Variants in DMD observed in about 807,000 individuals in gnomAD.
DMD encodes the protein mutant dystrophin.
A neutral mutation model predicts 330.1 loss-of-function variants in DMD; 63 were observed. That is an observed-to-expected ratio of 0.19 (90% confidence interval 0.16 to 0.24). DMD has a LOEUF of 0.24. Among genes scored for constraint, DMD ranks in the 10% least tolerant of loss-of-function variants. DMD has a pLI of 1.00. For synonymous variants in DMD, 1,223 were observed against 959.8 expected (o/e 1.27, Z -5.07); for missense variants, 3,344 against 2,684.1 (o/e 1.25, Z -5.43).
At position 32,068,868 on chromosome X, in the gene DMD, T is replaced by A. The variant is rs760671195; in HGVS notation, c.6439-100354A>T. On this transcript the variant is annotated intron_variant, in intron 44 of 78. Transcript: ENST00000357033. ...TAATATGGAAGTGAGGTAGGTGAGA[T>A]TGGATGGTTTGGGAGTAGAGATACA... 2.7e-5 allele frequency among the ~76,000 whole-genome samples: 3 copies of A among 111,102 alleles called. No homozygotes were observed. In the South Asian group the frequency reaches 1.1e-3, roughly 42 times the overall value.
At chrX:31,721,706 C>A (rs1367521631) in intron 52 of DMD, among the ~76,000 whole-genome samples, 4,052 of 49,223 alleles carry the variant, frequency 0.082, 112 homozygotes, top group South Asian at 0.1. Context: ...CTCTCTCTCT[C>A]TCTCTCTCTC....
At chrX:32,141,660 CAATAT>C (rs1177148220) in intron 44 of DMD, among the ~76,000 whole-genome samples, 1 of 90,904 alleles carries the variant, frequency 1.1e-5, no homozygotes, top group African/African-American at 4.0e-5. Flanking sequence ...ATCCAGAATT[CAATAT>C]AATATAGAGT....
intron 21 of DMD, among the ~76,000 whole-genome samples, chrX:32,483,784 G>A (rs1313077751): frequency 5.8e-5 from 1 of 17,370 alleles, no homozygotes; most frequent in African/African-American, 2.0e-4. Flanking sequence ...ACCTGTACAG[G>A]AAAATAAACC....
At chrX:31,666,204 C>A (rs1307534434) in intron 53 of DMD, among the ~76,000 whole-genome samples, 2 of 111,602 alleles carry the variant, frequency 1.8e-5, no homozygotes, top group Non-Finnish European at 3.8e-5. Context: ...TTATTGTTCT[C>A]AAATATCCAG....
intron 2 of DMD, among the ~76,000 whole-genome samples, chrX:32,938,457 GA>G (rs762521670): frequency 9.0e-6 from 1 of 111,144 alleles, no homozygotes; most frequent in Non-Finnish European, 1.9e-5. Flanking sequence ...CCTGATAAAT[GA>G]AAGTGTTTAT....
intron 47 of DMD, among the ~76,000 whole-genome samples, chrX:31,884,144 G>A (rs2094117788): frequency 1.8e-5 from 2 of 111,374 alleles, no homozygotes; most frequent in African/African-American, 6.5e-5. Context: ...TTATCTCTGG[G>A]CATATATCCA....
In DMD at chrX:31,420,195, C is replaced by T. The variant is rs150687014; in HGVS notation, c.9084+24286G>A. Among the ~76,000 whole-genome samples the T allele has an allele frequency of 4.8e-3, 543 of 112,485 alleles. 4 individuals are homozygous for T. Among genetic ancestry groups the T allele is most frequent in the African/African-American group, 0.017 (516 of 31,045 alleles). On this transcript the variant is annotated intron_variant, in intron 60 of 78. Transcript: ENST00000357033. The stretch of plus-strand genomic sequence containing the variant: ...TCTGTGAACAAAGTAGAAAATAATA[C>T]ATTTATTTTGGAAAATAAGCTCAAT...
At chrX:31,706,161 A>G (rs115239844) in intron 52 of DMD, among the ~76,000 whole-genome samples, 12 of 109,693 alleles carry the variant, frequency 1.1e-4, no homozygotes, top group African/African-American at 4.0e-4. Context: ...AAAAAAAAAA[A>G]AAGCAAAACC....
At chrX:32,487,601 T>G (rs2042607480) in intron 20 of DMD, among the ~76,000 whole-genome samples, 1 of 111,216 alleles carries the variant, frequency 9.0e-6, no homozygotes, top group Admixed American at 9.7e-5. Flanking sequence ...GCTGAGAAAT[T>G]TATCACATAA....
chrX:32,874,339 T>C (rs2083223788), intron 2 of DMD, among the ~76,000 whole-genome samples: 1 of 111,554 alleles, frequency 9.0e-6, no homozygotes, highest in Admixed American at 9.5e-5. Flanking sequence ...GCTTAGAAAA[T>C]GTAGAAGAAT....
chrX:33,169,931 A>G (rs1179367830), intron 1 of DMD, among the ~76,000 whole-genome samples: 3 of 111,054 alleles, frequency 2.7e-5, no homozygotes, highest in African/African-American at 9.8e-5. Flanking sequence ...ATCTCTGAAT[A>G]GACTTCCATG....
chrX:32,356,379 T>TTAAA (rs1491329591), intron 37 of DMD, among the ~76,000 whole-genome samples: 1 of 52,728 alleles, frequency 1.9e-5, no homozygotes, highest in African/African-American at 6.5e-5. Flanking sequence ...TGAATGGAAG[T>TTAAA]AAAAAAAAAA....
chrX:32,546,255 T>A (rs748472583), intron 16 of DMD, among the ~76,000 whole-genome samples: 3 of 106,957 alleles, frequency 2.8e-5, no homozygotes, highest in African/African-American at 1.0e-4. Context: ...TAACGTTACC[T>A]CTTGGGATGG....
rs773369150 is a variant in DMD at position 32,412,085 on chromosome X, G to A, written c.4072-172C>T. ...AGCTCTGTTGATAGAAAAAAAATGTGAAGGAGAAAAATAAATAGCAAACAA... is the reference window on the plus strand; with the variant it reads ...AGCTCTGTTGATAGAAAAAAAATGTAAAGGAGAAAAATAAATAGCAAACAA... On this transcript the variant is annotated intron_variant, in intron 29 of 78. Coordinates refer to ENST00000357033, the MANE Select transcript of DMD (RefSeq NM_004006.3). 16 of 1,173,881 alleles carry A rather than the reference G, an allele frequency of 1.4e-5. No individual in the cohort carries two copies. In the South Asian group the frequency reaches 2.8e-4, roughly 21 times the overall value.
At chrX:31,122,577 T>C (rs1024385064) in intron 78 of DMD, among the ~76,000 whole-genome samples, 1 of 111,564 alleles carries the variant, frequency 9.0e-6, no homozygotes, top group Admixed American at 9.6e-5. Context: ...TAATAAACTC[T>C]TGAATTGACC....
At chrX:32,073,252 C>T in intron 44 of DMD, among the ~76,000 whole-genome samples, 1 of 111,571 alleles carries the variant, frequency 9.0e-6, no homozygotes, top group East Asian at 2.8e-4. Context: ...TTCAGTCCCT[C>T]GGTGAAAGTG....
At chrX:31,703,665 A>G (rs1472758341) in intron 52 of DMD, among the ~76,000 whole-genome samples, 1 of 112,043 alleles carries the variant, frequency 8.9e-6, no homozygotes, top group African/African-American at 3.2e-5. Flanking sequence ...AAATAAACAC[A>G]TACATTTAGT....
intron 43 of DMD, among the ~76,000 whole-genome samples, chrX:32,231,486 A>T (rs1466851132): frequency 9.0e-6 from 1 of 111,582 alleles, no homozygotes; most frequent in African/African-American, 3.3e-5. Flanking sequence ...TTTACATGGG[A>T]CTCATTTTCT....
chrX:32,108,886 G>A (rs1442029594), intron 44 of DMD, among the ~76,000 whole-genome samples: 1 of 111,280 alleles, frequency 9.0e-6, no homozygotes, highest in Admixed American at 9.6e-5. Flanking sequence ...TTATAAAAGA[G>A]CAGTATCTTA....
Sources: gnomAD v4.1 joint callset for allele counts (sites outside exome capture counted in the v4.1 genomes callset) on GRCh38, gnomAD v4.1.1 for gene constraint, MANE v1.5 for transcripts, NCBI Gene and HGNC (gene_info 2026-07-23, HGNC 2026-07-21) for gene names.